PLA2G15: variants seen among roughly 807,000 people sequenced by gnomAD.
PLA2G15 encodes phospholipase A2 group XV.
A neutral mutation model predicts 40.9 loss-of-function variants in PLA2G15; 20 were observed. That is an observed-to-expected ratio of 0.49 (90% CI 0.34 to 0.71). The LOEUF is 0.71. PLA2G15 is among the 30% of genes least tolerant of loss of function. The pLI is 0.01. For synonymous variants in PLA2G15, 223 were observed against 228.2 expected, an observed-to-expected ratio of 0.98 and a Z score of 0.21; for missense variants, 471 against 541.9, an observed-to-expected ratio of 0.87 and a Z score of 1.30.
At chr16:68,258,304 A>C (rs2042417174) in intron 5 of PLA2G15, among the ~76,000 whole-genome samples, 1 of 152,210 alleles carries the variant, frequency 6.6e-6, no homozygotes, top group East Asian at 1.9e-4. Flanking sequence ...TAGGAAAAGA[A>C]AAACTGGTAC....
rs1173890466 is a variant in PLA2G15 at position 68,259,232 on chromosome 16, T to G, written c.814T>G (p.Tyr272Asp). The change falls in exon 6 of 6, where the codon TAC (tyrosine) becomes GAC (aspartate). Residue 272 changes from tyrosine to aspartate, a missense_variant. Coordinates refer to ENST00000219345, the MANE Select transcript of PLA2G15 (RefSeq NM_012320.4). The surrounding 1 kb of genome is among the most constrained non-coding windows in gnomAD (Gnocchi z 6.5). The stretch of plus-strand genomic sequence containing the variant: ...TGTCTCCACCAGCTGGCTGCTGCCC[T>G]ACAACTACACATGGTCACCTGAGAA... ...SAVSTSWLLPYNYTWSPEKVF... is the reference protein window; with the variant it reads ...SAVSTSWLLPDNYTWSPEKVF... The G allele has an allele frequency of 6.2e-7, 1 of 1,613,894 alleles. No individual in the cohort carries two copies.
Position 68,260,857 on chromosome 16 carries a change from AG to A in PLA2G15, c.*1203del, listed in dbSNP as rs1191029671. The A allele has an allele frequency of 6.6e-6, 1 of 152,312 alleles. No homozygotes were observed. Among genetic ancestry groups the A allele is most frequent in the Non-Finnish European group, 1.5e-5 (1 of 68,096 alleles). 9.4% of individuals were successfully genotyped at this position (152,312 alleles called of 1,614,324 possible). ...GGGTGACTGGCCACAGGCCGAGAAA[AG>A]GGTACAGCCTCTAGGTGGGGTTCCC... On this transcript the variant is annotated 3_prime_UTR_variant, in exon 6 of 6. Transcript: ENST00000219345.
At chr16:68,258,782 CAAAA>C (rs878922848) in intron 5 of PLA2G15, 19 of 168,984 alleles carry the variant, frequency 1.1e-4, no homozygotes, top group Admixed American at 1.9e-4. Context: ...GACCCTACTT[CAAAA>C]AAAAAAAAAA....
At chr16:68,251,949 G>C (rs1245963171) in intron 2 of PLA2G15, among the ~76,000 whole-genome samples, 1 of 151,082 alleles carries the variant, frequency 6.6e-6, no homozygotes, top group African/African-American at 2.4e-5. Flanking sequence ...TGCCCATTTT[G>C]ATGACTCCTT....
At chr16:68,248,113 G>T (rs1327255089) in intron 1 of PLA2G15, among the ~76,000 whole-genome samples, 1 of 152,216 alleles carries the variant, frequency 6.6e-6, no homozygotes, top group African/African-American at 2.4e-5. Flanking sequence ...CAGATGATCT[G>T]CTCTCTGGCA....
chr16:68,252,517 C>G (rs1415046617), intron 2 of PLA2G15: 2 of 456,028 alleles, frequency 4.4e-6, no homozygotes, highest in Non-Finnish European at 4.4e-6. Context: ...CCTTGACAAC[C>G]CTCTTCCCAC....
rs2042422733 is a variant in PLA2G15 at position 68,259,062 on chromosome 16, G to A, written c.728-84G>A. 2 of 1,194,498 alleles carry A rather than the reference G, an allele frequency of 1.7e-6. No individual in the cohort carries two copies. Among genetic ancestry groups the A allele is most frequent in the Admixed American group, 2.1e-5 (1 of 46,652 alleles). 74.0% of individuals were successfully genotyped at this position (1,194,498 alleles called of 1,614,324 possible). ...ACTGTGGACTGGGCCCCTGGCTGGG[G>A]TCTGGCAGGGGCCTGGTGGTGAACA... On this transcript the variant is annotated intron_variant, in intron 5 of 5. Transcript: ENST00000219345. This position sits in a 1 kb window ranked among gnomAD's most constrained non-coding sequence, Gnocchi z 6.5.
At chr16:68,253,853 C>A (rs891292095) in intron 2 of PLA2G15, among the ~76,000 whole-genome samples, 1 of 151,958 alleles carries the variant, frequency 6.6e-6, no homozygotes, top group African/African-American at 2.4e-5. Flanking sequence ...CCATGCCTGG[C>A]TAATTTTTTA....
At position 68,254,100 on chromosome 16, in the gene PLA2G15, G is replaced by A. The variant is rs543958441; in HGVS notation, c.285-819G>A. Among the ~76,000 whole-genome samples the A allele has an allele frequency of 2.6e-4, 40 of 152,244 alleles. 1 individual carries two copies. The South Asian group carries it at 7.5e-3, about 28-fold the overall frequency. On this transcript the variant is annotated intron_variant, in intron 2 of 5. Coordinates refer to ENST00000219345, the MANE Select transcript of PLA2G15 (RefSeq NM_012320.4). ...AGCGATGGAAAGCTGAAAGAGGGTA[G>A]ACTGCCTCTTGGGGTCCAGTGTGAA...
chr16:68,250,001 G>A (rs117453787), intron 2 of PLA2G15, among the ~76,000 whole-genome samples: 1 of 151,762 alleles, frequency 6.6e-6, no homozygotes, highest in African/African-American at 2.4e-5. Flanking sequence ...CTGTGTCCCA[G>A]CCCCTATTCA....
chr16:68,256,388 A>G (rs1177131806), intron 5 of PLA2G15: 1 of 161,358 alleles, frequency 6.2e-6, no homozygotes, highest in African/African-American at 2.4e-5. Context: ...ACAGTAGATA[A>G]AGTGGAAATC....
rs961533474 is a variant in PLA2G15 at position 68,245,572 on chromosome 16, G to T, written c.127+19G>T. The stretch of plus-strand genomic sequence containing the variant: ...GTGCTGGGTGAGGCACGGGTCTCGT[G>T]GTGGATCTGTCGGTCGGGCGGGACG... On this transcript the variant is annotated intron_variant, in intron 1 of 5. Transcript: ENST00000219345. 1.3e-6 allele frequency: 2 copies of T among 1,562,716 alleles called. No individual in the cohort carries two copies. The highest frequency in any genetic ancestry group is 1.2e-5 in the South Asian group (1 of 86,496).
chr16:68,246,794 C>T (rs1183362145), intron 1 of PLA2G15, among the ~76,000 whole-genome samples: 1 of 152,080 alleles, frequency 6.6e-6, no homozygotes. Context: ...AGTAATGGGT[C>T]GGGGAGAGAC....
At chr16:68,251,068 C>A (rs1260115777) in intron 2 of PLA2G15, among the ~76,000 whole-genome samples, 3 of 152,108 alleles carry the variant, frequency 2.0e-5, no homozygotes, top group Non-Finnish European at 4.4e-5. Context: ...AGTCTTACAG[C>A]AACCCCGTTT....
chr16:68,253,243 G>A (rs1369840064), intron 2 of PLA2G15, among the ~76,000 whole-genome samples: 3 of 151,840 alleles, frequency 2.0e-5, no homozygotes, highest in African/African-American at 4.8e-5. Flanking sequence ...CCTACCTGGG[G>A]CCACACAAGG....
rs777902833 is a variant in PLA2G15, at chr16:68,255,718, G to C, written c.503-48G>C. 1 of 1,507,710 alleles carries C rather than the reference G, an allele frequency of 6.6e-7. No homozygotes were observed. Among genetic ancestry groups the C allele is most frequent in the South Asian group, 1.1e-5 (1 of 88,814 alleles). The allele number at this position is 1,507,710 out of a possible 1,614,324, so 93.4% of individuals were successfully genotyped here. ...GGCCTGAGAAAAGCTCAGTGGTTCC[G>C]GCTCCAGGACCCTTCCCACCTGACC... On this transcript the variant is annotated intron_variant, in intron 4 of 5. Transcript: ENST00000219345. The surrounding 1 kb of genome is among the most constrained non-coding windows in gnomAD (Gnocchi z 5.9).
At chr16:68,256,165 T>A in intron 5 of PLA2G15, 175 bp downstream of exon 5, 1 of 564,790 alleles carries the variant, frequency 1.8e-6, no homozygotes, top group South Asian at 2.3e-5. Flanking sequence ...ATCTAGTTTC[T>A]CAGAGAAAAG....
At chr16:68,247,050 T>G (rs2042315324) in intron 1 of PLA2G15, among the ~76,000 whole-genome samples, 1 of 152,086 alleles carries the variant, frequency 6.6e-6, no homozygotes, top group Admixed American at 6.6e-5. Flanking sequence ...CTGTTTATCC[T>G]TGGTCACAGC....
Position 68,245,509 on chromosome 16 carries a change from C to A in PLA2G15, c.83C>A (p.Ala28Glu), listed in dbSNP as rs771591350. ...LFLLLLLMLL[A>E]DPALPAGRHP... ...CTCTTGCTGCTGCTAATGCTGCTCG[C>A]GGACCCAGCGCTCCCGGCCGGACGT... is the stretch of plus-strand genomic sequence containing the variant. The change falls in exon 1 of 6, where the codon GCG (alanine) becomes GAG (glutamate). Residue 28 changes from alanine to glutamate, a missense_variant. By Grantham distance (107) the Ala-to-Glu change is moderately radical. Transcript: ENST00000219345. 6.2e-7 allele frequency: 1 copy of A among 1,601,226 alleles called. No homozygotes were observed. The highest frequency in any genetic ancestry group is 8.5e-7 in the Non-Finnish European group (1 of 1,177,782).
Sources: gnomAD v4.1 joint callset for allele counts (sites outside exome capture counted in the v4.1 genomes callset) on GRCh38, gnomAD v4.1.1 for gene constraint, Gnocchi (gnomAD v3.1) non-coding constraint, MANE v1.5 for transcripts, NCBI Gene and HGNC (gene_info 2026-07-23, HGNC 2026-07-21) for gene names.